The following DEAF1 variants were observed in gnomAD, a reference collection of about 807,000 sequenced individuals.
The protein encoded by DEAF1 is DEAF1 transcription factor.
DEAF1 carries 53 observed loss-of-function variants against 58.9 expected under a neutral mutation model. That is an observed-to-expected ratio of 0.90 (90% CI 0.72 to 1.13). DEAF1 has a LOEUF of 1.13. Ranked by LOEUF, DEAF1 falls within the 50% of genes most tolerant of loss-of-function variation. The pLI, the probability that DEAF1 is intolerant of heterozygous loss-of-function variation, is 0.00. For missense variants in DEAF1, 685 were observed against 791.4 expected (o/e 0.87, Z 1.61); for synonymous variants, 385 against 340.4 (o/e 1.13, Z -1.44).
intron 1 of DEAF1, chr11:703,563 C>A: frequency 8.1e-7 from 1 of 1,233,724 alleles, no homozygotes; most frequent in South Asian, 4.1e-5. Flanking sequence ...CCCCAATGGT[C>A]CTAATTTGTG....
At chr11:703,437 C>G in intron 1 of DEAF1, 1 of 1,289,706 alleles carries the variant, frequency 7.8e-7, no homozygotes, top group Non-Finnish European at 9.8e-7. Context: ...TCAGTGGGGT[C>G]TGGCTTTAGC....
At chr11:663,917 A>T (rs527309326) in intron 10 of DEAF1, among the ~76,000 whole-genome samples, 1 of 152,338 alleles carries the variant, frequency 6.6e-6, no homozygotes, top group East Asian at 1.9e-4. Flanking sequence ...GTCTCAAGAA[A>T]ACGGACAAAA....
At chr11:666,268 G>C (rs1859517653) in intron 10 of DEAF1, 1 of 152,234 alleles carries the variant, frequency 6.6e-6, no homozygotes, top group South Asian at 2.1e-4. Context: ...ACACTCTTCA[G>C]GGGAAGACAA....
At chr11:656,866 T>C (rs1022837007) in intron 10 of DEAF1, among the ~76,000 whole-genome samples, 8 of 143,776 alleles carry the variant, frequency 5.6e-5, no homozygotes, top group African/African-American at 1.0e-4. Flanking sequence ...TTTGCAAAAC[T>C]TTTTTTTTTT....
chr11:701,606 T>C lies in DEAF1; in HGVS notation c.-438+4966A>G, dbSNP rs374358463. On this transcript the variant is annotated intron_variant, in intron 1 of 11. Transcript: ENST00000683307. The stretch of plus-strand genomic sequence containing the variant: ...TTGTATTTTTAGTAGAGATGGGGTT[T>C]CACCATGTTAGCCAGGATGGTTTCC... Among the ~76,000 whole-genome samples the C allele has an allele frequency of 4.3e-3, 659 of 152,008 alleles. 6 individuals carry two copies. Among genetic ancestry groups the C allele is most frequent in the African/African-American group, 0.015 (623 of 41,434 alleles).
At chr11:653,617 ACG>A (rs1258334970) in intron 11 of DEAF1, among the ~76,000 whole-genome samples, 1 of 92,754 alleles carries the variant, frequency 1.1e-5, no homozygotes, top group African/African-American at 4.2e-5. Flanking sequence ...AGTCTCTCTC[ACG>A]TGGCTCTGCA....
chr11:644,731 C>T lies in DEAF1; in HGVS notation c.1594-77G>A, dbSNP rs1449401559. The T allele has an allele frequency of 7.7e-6, 9 of 1,175,082 alleles. No homozygotes were observed. The highest frequency in any genetic ancestry group is 2.0e-4 in the Middle Eastern group (1 of 5,108). 72.8% of individuals were successfully genotyped at this position (1,175,082 alleles called of 1,614,324 possible). A position where few individuals can be genotyped will look rare whatever the true frequency, so the allele number is the denominator to read the frequency against. ...CTGGGCAGGGTCCCCAAGGCAGACC[C>T]CAGAGGGTGCAGCCCTCTGTAACCT... On this transcript the variant is annotated intron_variant, in intron 11 of 11. Coordinates refer to ENST00000382409, the MANE Select transcript of DEAF1 (RefSeq NM_021008.4). This position sits in a 1 kb window ranked among gnomAD's most constrained non-coding sequence, Gnocchi z 4.3.
chr11:700,596 C>T, intron 1 of DEAF1: 2 of 1,607,620 alleles, frequency 1.2e-6, no homozygotes, highest in Non-Finnish European at 1.7e-6. Context: ...TATGTTCCGT[C>T]CGCGCCTCTG....
intron 10 of DEAF1, among the ~76,000 whole-genome samples, chr11:656,644 C>T (rs1245295779): frequency 2.0e-5 from 3 of 152,196 alleles, no homozygotes; most frequent in African/African-American, 4.8e-5. Flanking sequence ...GTCACTGTCC[C>T]GGGGAGCGGC....
rs775316641 is a variant in DEAF1, at chr11:688,316, C to T, written c.517+15G>A. The T allele has an allele frequency of 1.2e-6, 2 of 1,611,952 alleles. No homozygotes were observed. The highest frequency in any genetic ancestry group is 1.7e-6 in the Non-Finnish European group (2 of 1,178,996). ...CGTGTTTTGCCCGAGGCCTGGGGTG[C>T]AGGCACCGCTGTACCTGGGGTGAGG... On this transcript the variant is annotated intron_variant, in intron 3 of 11. Transcript: ENST00000382409. The surrounding 1 kb of genome is among the most constrained non-coding windows in gnomAD (Gnocchi z 4.3).
intron 1 of DEAF1, among the ~76,000 whole-genome samples, chr11:702,541 T>C (rs1861544612): frequency 6.6e-6 from 1 of 152,234 alleles, no homozygotes; most frequent in African/African-American, 2.4e-5. Flanking sequence ...CGTGAAATTT[T>C]CCAGAACTGG....
upstream of DEAF1, chr11:695,815 C>T (rs961057739): frequency 8.1e-7 from 1 of 1,232,096 alleles, no homozygotes; most frequent in Non-Finnish European, 1.0e-6. Flanking sequence ...GACCGGCGGG[C>T]GGGGCGGGTA....
At position 694,849 on chromosome 11, in the gene DEAF1, C is replaced by A; in HGVS notation, c.199G>T (p.Ala67Ser). ...TGCCCGGGCTCCGCCGCCATCACCG[C>A]CACTGCCGTGACCCGCGGCGTCTCC... The part of the protein sequence containing the change: ...ERETPRVTAV[A>S]VMAAEPGHMD... Residue 67 changes from alanine (A) to serine (S), a missense_variant, in exon 1 of 12, where the codon GCG (alanine) becomes TCG (serine). Ala to Ser is a moderately conservative substitution (Grantham distance 99, BLOSUM62 1). Around this residue, in one of 3 missense-constraint regions of DEAF1, gnomAD observed 210 missense variants for 177.3 expected, o/e 1.18. Coordinates refer to ENST00000382409, the MANE Select transcript of DEAF1 (RefSeq NM_021008.4). The A allele has an allele frequency of 6.7e-7, 1 of 1,490,012 alleles. No individual in the cohort carries two copies. The highest frequency in any genetic ancestry group is 8.9e-7 in the Non-Finnish European group (1 of 1,124,916). The allele number at this position is 1,490,012 out of a possible 1,614,324, so 92.3% of individuals were successfully genotyped here.
intron 9 of DEAF1, 44 bp from the exon 10 acceptor site, chr11:674,827 C>G: frequency 6.2e-7 from 1 of 1,602,102 alleles, no homozygotes; most frequent in African/African-American, 1.3e-5. Flanking sequence ...ATTAATACAT[C>G]TCCTAGCTTC....
In DEAF1 at chr11:687,016, G is replaced by A. The variant is rs777644587; in HGVS notation, c.665-19C>T. ...CGGCCGCCTGCAAGGAAGGGCAGCA[G>A]TCATGATGATGGCAGGTGGGAACGT... On this transcript the variant is annotated intron_variant, in intron 4 of 11. Coordinates refer to ENST00000382409, the MANE Select transcript of DEAF1 (RefSeq NM_021008.4). 4 of 1,613,758 alleles carry A rather than the reference G, an allele frequency of 2.5e-6. No homozygotes were observed. In the East Asian group the frequency reaches 6.7e-5, roughly 27 times the overall value.
chr11:657,159 A>G (rs928092307), intron 10 of DEAF1, among the ~76,000 whole-genome samples: 10 of 151,998 alleles, frequency 6.6e-5, no homozygotes, highest in Non-Finnish European at 1.2e-4. Context: ...AGACTTCCCA[A>G]TAAAAGGACC....
At chr11:652,211 A>G (rs970897066) in intron 11 of DEAF1, among the ~76,000 whole-genome samples, 2 of 152,234 alleles carry the variant, frequency 1.3e-5, no homozygotes, top group African/African-American at 4.8e-5. Context: ...AAATCCAGAA[A>G]TATTTGAAAT....
At position 701,406 on chromosome 11, in the gene DEAF1, CTTTTTTTTT is replaced by C. The variant is rs71022955; in HGVS notation, c.-438+5157_-438+5165del. On this transcript the variant is annotated intron_variant, in intron 1 of 11. Transcript: ENST00000683307. ...TTTTGGTAGAGACGAGACAAGGTTT[CTTTTTTTTT>C]TTTTTTTTTTTTTGAGACAGAGTCT... Among the ~76,000 whole-genome samples, 3 of 64,900 alleles carry C rather than the reference CTTTTTTTTT, an allele frequency of 4.6e-5. 1 individual carries two copies. Among genetic ancestry groups the C allele is most frequent in the South Asian group, 1.4e-3 (2 of 1,384 alleles). The allele number at this position is 64,900 out of a possible 152,430, so 42.6% of individuals were successfully genotyped here. A position where few individuals can be genotyped will look rare whatever the true frequency, so the allele number is the denominator to read the frequency against.
chr11:647,812 G>A (rs1270610203), intron 11 of DEAF1, among the ~76,000 whole-genome samples: 1 of 151,434 alleles, frequency 6.6e-6, no homozygotes, highest in Non-Finnish European at 1.5e-5. Context: ...AGGCAGTGCT[G>A]GGAGCAGGTG....
Sources: allele counts gnomAD v4.1 joint callset (sites outside exome capture counted in the v4.1 genomes callset), GRCh38; gene constraint gnomAD v4.1.1; regional missense constraint gnomAD v4.1.1; non-coding constraint Gnocchi (gnomAD v3.1); transcripts MANE v1.5; gene names NCBI Gene and HGNC (gene_info 2026-07-23, HGNC 2026-07-21).